The following RPS27A variants were observed in gnomAD, a reference collection of about 807,000 sequenced individuals.
The protein encoded by RPS27A is ubiquitin-ribosomal protein eS31 fusion protein.
A neutral mutation model predicts 18.9 loss-of-function variants in RPS27A; 1 was observed. That is an observed-to-expected ratio of 0.05 (90% CI 0.02 to 0.25). RPS27A has a LOEUF of 0.25. Ranked by LOEUF, RPS27A falls within the 10% of genes least tolerant of loss-of-function variation. RPS27A has a pLI of 1.00. For synonymous variants in RPS27A, 77 were observed against 63.7 expected, an observed-to-expected ratio of 1.21 and a Z score of -0.99; for missense variants, 123 against 187.4, an observed-to-expected ratio of 0.66 and a Z score of 2.01.
intron 3 of RPS27A, 93 bp downstream of exon 3, chr2:55,233,510 A>G (rs753117314): frequency 1.5e-5 from 13 of 880,808 alleles, no homozygotes; most frequent in Non-Finnish European, 2.3e-5. Flanking sequence ...TGATGGGGGA[A>G]GGGGTCAGAT....
At position 55,232,702 on chromosome 2, in the gene RPS27A, A is replaced by T. The variant is rs1395668614; in HGVS notation, c.-24A>T. On this transcript the variant is annotated 5_prime_UTR_variant, in exon 1 of 6. Transcript: ENST00000272317. ...CGGCGTTCTTCCTTTTCGATCCGCC[A>T]TCTGCGGTGGGTGTCTGCACTTCGG... The T allele has an allele frequency of 1.1e-6, 1 of 880,426 alleles. No individual in the cohort carries two copies. The highest frequency in any genetic ancestry group is 2.6e-5 in the East Asian group (1 of 38,250). The allele number at this position is 880,426 out of a possible 1,614,324, so 54.5% of individuals were successfully genotyped here. A position where few individuals can be genotyped will look rare whatever the true frequency, so the allele number is the denominator to read the frequency against.
At chr2:55,234,486 C>G in intron 4 of RPS27A, 1 of 555,978 alleles carries the variant, frequency 1.8e-6, no homozygotes, top group East Asian at 3.1e-5. Context: ...AGACGTGAGC[C>G]ACTCCATGTG....
At position 55,235,718 on chromosome 2, in the gene RPS27A, C is replaced by G; in HGVS notation, c.*141C>G. Reference sequence around the variant, plus strand: ...ACTGCTATCGCTGTGTGAATGTTGCCTCTGGGGATTATGTGACCCAGTGGT... The same window carrying G: ...ACTGCTATCGCTGTGTGAATGTTGCGTCTGGGGATTATGTGACCCAGTGGT... On this transcript the variant is annotated 3_prime_UTR_variant, in exon 6 of 6. Coordinates refer to ENST00000272317, the MANE Select transcript of RPS27A (RefSeq NM_002954.6). The G allele has an allele frequency of 1.0e-6, 1 of 979,902 alleles. No homozygotes were observed. Among genetic ancestry groups the G allele is most frequent in the African/African-American group, 1.6e-5 (1 of 62,576 alleles). 60.7% of individuals were successfully genotyped at this position (979,902 alleles called of 1,614,324 possible). A position where few individuals can be genotyped will look rare whatever the true frequency, so the allele number is the denominator to read the frequency against.
At chr2:55,232,399 G>GC (rs1264104395), upstream of RPS27A, 12 of 281,086 alleles carry the variant, frequency 4.3e-5, no homozygotes, top group Non-Finnish European at 6.3e-5. Context: ...TCCCCAAGAG[G>GC]CCCCCCTCGA....
chr2:55,234,740 C>T (rs1195270981), intron 4 of RPS27A, 91 bp from the exon 5 acceptor site: 2 of 1,432,170 alleles, frequency 1.4e-6, no homozygotes, highest in Non-Finnish European at 2.0e-6. Context: ...TTATTGTGTG[C>T]TGCTACTGCT....
At chr2:55,234,432 G>T (rs1287101427) in intron 4 of RPS27A, 2 of 593,122 alleles carry the variant, frequency 3.4e-6, no homozygotes, top group African/African-American at 3.7e-5. Context: ...AAACTCCTGG[G>T]CATAAGTGAT....
intron 5 of RPS27A, 110 bp downstream of exon 5, chr2:55,235,072 C>A: frequency 8.1e-7 from 1 of 1,230,908 alleles, no homozygotes; most frequent in East Asian, 2.5e-5. Context: ...AATATTATCC[C>A]ACTTTGGTTT....
intron 4 of RPS27A, 106 bp downstream of exon 4, chr2:55,234,310 A>C: frequency 1.2e-6 from 1 of 809,166 alleles, no homozygotes; most frequent in South Asian, 1.4e-5. Context: ...CCTAGGGTGG[A>C]GTGAGTGGCG....
chr2:55,232,712 G>T lies in RPS27A; in HGVS notation c.-18+4G>T, dbSNP rs1675529440. On this transcript the variant is annotated splice_donor_region_variant and intron_variant, in intron 1 of 5. Coordinates refer to ENST00000272317, the MANE Select transcript of RPS27A (RefSeq NM_002954.6). ...CCTTTTCGATCCGCCATCTGCGGTG[G>T]GTGTCTGCACTTCGGCTGCTCTCGG... 1.1e-6 allele frequency: 1 copy of T among 925,036 alleles called. No individual in the cohort carries two copies. Among genetic ancestry groups the T allele is most frequent in the South Asian group, 1.4e-5 (1 of 71,652 alleles). 57.3% of individuals were successfully genotyped at this position (925,036 alleles called of 1,614,324 possible).
intron 2 of RPS27A, 194 bp downstream of exon 2, chr2:55,233,066 C>T (rs575446699): frequency 4.2e-5 from 28 of 670,344 alleles, no homozygotes; most frequent in Non-Finnish European, 7.1e-5. Context: ...GGACCTGTCT[C>T]CTCTCGAGGG....
rs1675712149 is a variant in RPS27A at position 55,234,852 on chromosome 2, T to C, written c.211T>C (p.Leu71=). 3 of 1,612,356 alleles carry C rather than the reference T, an allele frequency of 1.9e-6. No individual in the cohort carries two copies. The highest frequency in any genetic ancestry group is 2.5e-6 in the Non-Finnish European group (3 of 1,179,986). Reference sequence around the variant, plus strand: ...ACAGGAGTCTACTCTTCATCTTGTGTTGAGACTTCGTGGTGGTGCTAAGAA... The same window carrying C: ...ACAGGAGTCTACTCTTCATCTTGTGCTGAGACTTCGTGGTGGTGCTAAGAA... ...IQKESTLHLV[L]RLRGGAKKRK... is the part of the protein sequence containing the mutation. The change falls in exon 5 of 6, where the codon TTG becomes CTG. Residue 71 remains leucine, a synonymous_variant. Transcript: ENST00000272317.
Position 55,235,844 on chromosome 2 carries a change from C to T in RPS27A, c.*267C>T. The stretch of plus-strand genomic sequence containing the variant: ...AGAAGTTATATTTAATGTAAGTTGT[C>T]TAAATATAAGCCAGTTTGTGTTTCT... On this transcript the variant is annotated 3_prime_UTR_variant, in exon 6 of 6. Transcript: ENST00000272317. 1 of 489,202 alleles carries T rather than the reference C, an allele frequency of 2.0e-6. No individual in the cohort carries two copies. Among genetic ancestry groups the T allele is most frequent in the Non-Finnish European group, 3.7e-6 (1 of 268,778 alleles). The allele number at this position is 489,202 out of a possible 1,614,324, so 30.3% of individuals were successfully genotyped here.
chr2:55,235,006 T>C (rs199872056), intron 5 of RPS27A, 44 bp downstream of exon 5: 2 of 1,602,840 alleles, frequency 1.2e-6, no homozygotes, highest in Non-Finnish European at 1.7e-6. Flanking sequence ...TCTTGGCTTA[T>C]TTGGAAAACT....
At chr2:55,232,426 C>A (rs748784735), upstream of RPS27A, 1 of 294,650 alleles carries the variant, frequency 3.4e-6, no homozygotes, top group South Asian at 3.3e-5. Context: ...TTTAAAAATT[C>A]TCTTAGCCAC....
rs1406736692 is a variant in RPS27A, at chr2:55,235,476, G to A, written c.370G>A (p.Asp124Asn). The change falls in exon 6 of 6, where the codon GAT (aspartate) becomes AAT (asparagine). Residue 124 changes from aspartate (D) to asparagine (N), a missense_variant. By Grantham distance (23) the Asp-to-Asn change is conservative (BLOSUM62 1). This residue lies in a region of RPS27A where 57 missense variants were observed against 114.8 expected (regional missense o/e 0.50). Coordinates refer to ENST00000272317, the MANE Select transcript of RPS27A (RefSeq NM_002954.6). ...TCGCCTTCGTCGAGAGTGCCCTTCT[G>A]ATGAATGTGGTGCTGGGGTGTTTAT... is the stretch of plus-strand genomic sequence containing the variant. ...ISRLRRECPSDECGAGVFMAS... is the reference protein window; with the variant it reads ...ISRLRRECPSNECGAGVFMAS... 2 of 1,611,878 alleles carry A rather than the reference G, an allele frequency of 1.2e-6. No homozygotes were observed. Among genetic ancestry groups the A allele is most frequent in the Non-Finnish European group, 1.7e-6 (2 of 1,179,940 alleles).
At chr2:55,232,977 G>A in intron 2 of RPS27A, 105 bp downstream of exon 2, 1 of 988,282 alleles carries the variant, frequency 1.0e-6, no homozygotes, top group Non-Finnish European at 1.6e-6. Flanking sequence ...TTCCGAATTT[G>A]GGTTCTAAAA....
At position 55,234,883 on chromosome 2, in the gene RPS27A, A is replaced by G; in HGVS notation, c.242A>G (p.Lys81Arg). The change falls in exon 5 of 6, where the codon AAG (lysine) becomes AGG (arginine). Residue 81 changes from lysine (K) to arginine (R), a missense_variant. Physicochemically the swap from Lys to Arg is conservative, Grantham distance 26. Around this residue, in one of 2 missense-constraint regions of RPS27A, gnomAD observed 57 missense variants for 114.8 expected, o/e 0.50. Coordinates refer to ENST00000272317, the MANE Select transcript of RPS27A (RefSeq NM_002954.6). ...CTTCGTGGTGGTGCTAAGAAAAGGA[A>G]GAAGAAGTCTTACACCACTCCCAAG... Reference protein sequence around the residue: ...LRLRGGAKKRKKKSYTTPKKN... With the variant: ...LRLRGGAKKRRKKSYTTPKKN... 1.2e-6 allele frequency: 2 copies of G among 1,612,980 alleles called. No homozygotes were observed. The highest frequency in any genetic ancestry group is 1.7e-6 in the Non-Finnish European group (2 of 1,179,846).
At chr2:55,234,408 C>T in intron 4 of RPS27A, 3 of 601,052 alleles carry the variant, frequency 5.0e-6, no homozygotes, top group African/African-American at 3.7e-5. Flanking sequence ...CGCCACCATG[C>T]CCAGGCTGGT....
At chr2:55,231,907 C>T (rs1675417029), upstream of RPS27A, 1 of 152,130 alleles carries the variant, frequency 6.6e-6, no homozygotes, top group Admixed American at 6.5e-5. Context: ...ACACACAAGA[C>T]CCAGACTCTT....
Sources: gnomAD v4.1 joint callset for allele counts on GRCh38, gnomAD v4.1.1 for gene constraint, gnomAD v4.1.1 regional missense constraint, MANE v1.5 for transcripts, NCBI Gene and HGNC (gene_info 2026-07-23, HGNC 2026-07-21) for gene names.